The following MTOR variants were observed in gnomAD, a reference collection of about 807,000 sequenced individuals.
MTOR encodes the protein mechanistic target of rapamycin kinase.
MTOR carries 70 observed loss-of-function variants against 319.8 expected under a neutral mutation model. The observed-to-expected ratio is 0.22, with a 90% CI of 0.18 to 0.27. The LOEUF (loss-of-function observed/expected upper bound fraction) is 0.27. Among genes scored for constraint, MTOR ranks in the 10% least tolerant of loss-of-function variants. The pLI is 1.00. For synonymous variants in MTOR, 1,183 were observed against 1,211.4 expected, an observed-to-expected ratio of 0.98 and a Z score of 0.49; for missense variants, 1,890 against 3,274.4, an observed-to-expected ratio of 0.58 and a Z score of 10.32.
At chr1:11,230,142 C>G (rs1460197226) in intron 18 of MTOR, among the ~76,000 whole-genome samples, 1 of 149,410 alleles carries the variant, frequency 6.7e-6, no homozygotes, top group Admixed American at 6.7e-5. Flanking sequence ...AAAAGGCGTC[C>G]AGGCACAGTG....
intron 28 of MTOR, chr1:11,193,608 G>T: frequency 6.2e-7 from 1 of 1,606,700 alleles, no homozygotes; most frequent in South Asian, 1.1e-5. Flanking sequence ...ACTTCAGGCG[G>T]AGGCTGGACC....
At chr1:11,238,256 T>A (rs534603110) in intron 12 of MTOR, 146 bp downstream of exon 12, 2 of 939,642 alleles carry the variant, frequency 2.1e-6, no homozygotes, top group African/African-American at 3.3e-5. Context: ...ACAGTAGCCA[T>A]GCCTAACACG....
intron 19 of MTOR, among the ~76,000 whole-genome samples, chr1:11,217,640 T>C (rs975154741): frequency 6.6e-6 from 1 of 151,424 alleles, no homozygotes; most frequent in African/African-American, 2.4e-5. Context: ...CTCGCTCTCT[T>C]GACTTCATGA....
Position 11,259,350 on chromosome 1 carries a change from G to T in MTOR, c.60C>A (p.Ser20Arg). The T allele has an allele frequency of 6.2e-7, 1 of 1,608,304 alleles. No homozygotes were observed. Among genetic ancestry groups the T allele is most frequent in the Non-Finnish European group, 8.5e-7 (1 of 1,178,104 alleles). Residue 20 changes from serine (S) to arginine (R), a missense_variant, in exon 2 of 58, where the codon AGC becomes AGA. Ser to Arg is a moderately radical substitution (Grantham distance 110, BLOSUM62 -1). This residue lies in a region of MTOR where 85 missense variants were observed against 105.8 expected (regional missense o/e 0.80). Coordinates refer to ENST00000361445, the MANE Select transcript of MTOR (RefSeq NM_004958.4). ...GGCCACTGGCAAACTGCTGCAGGAC[G>T]CTCACATTGCTAGATGTGGTGGCAG... ...TTAATTSSNV[S>R]VLQQFASGLK...
At chr1:11,187,830 C>T (rs184843245) in intron 28 of MTOR, among the ~76,000 whole-genome samples, 1 of 152,308 alleles carries the variant, frequency 6.6e-6, no homozygotes, top group African/African-American at 2.4e-5. Context: ...GACTGGCAGA[C>T]AGTGCCAATT....
intron 26 of MTOR, among the ~76,000 whole-genome samples, chr1:11,200,992 G>A (rs1645950667): frequency 6.6e-6 from 1 of 150,640 alleles, no homozygotes; most frequent in African/African-American, 2.4e-5. Flanking sequence ...TCCAGCCTGG[G>A]CAACAGAGCG....
At chr1:11,189,592 C>T (rs1645444944) in intron 28 of MTOR, 1 of 1,602,508 alleles carries the variant, frequency 6.2e-7, no homozygotes, top group Non-Finnish European at 8.5e-7. Flanking sequence ...GCTGAAAAAG[C>T]CTCTCTCAGC....
chr1:11,217,531 G>A (rs1646510123), intron 19 of MTOR, among the ~76,000 whole-genome samples: 1 of 151,304 alleles, frequency 6.6e-6, no homozygotes, highest in Non-Finnish European at 1.5e-5. Context: ...CTCCCGAGTA[G>A]CTGGGACTAC....
chr1:11,204,752 T>A, intron 25 of MTOR, 49 bp from the exon 26 acceptor site: 1 of 1,573,098 alleles, frequency 6.4e-7, no homozygotes, highest in African/African-American at 1.4e-5. Flanking sequence ...CAAGGGCCAA[T>A]TGAAAAAAGT....
intron 28 of MTOR, among the ~76,000 whole-genome samples, chr1:11,197,392 T>C (rs1478112883): frequency 1.3e-5 from 2 of 151,986 alleles, no homozygotes; most frequent in Non-Finnish European, 2.9e-5. Context: ...AAGTAAAAAC[T>C]GCAATTGGAA....
chr1:11,142,628 G>T (rs2100495899), intron 34 of MTOR, among the ~76,000 whole-genome samples: 1 of 152,244 alleles, frequency 6.6e-6, no homozygotes, highest in South Asian at 2.1e-4. Flanking sequence ...TTGTTGATAA[G>T]AAGTCAGACT....
chr1:11,133,100 G>A lies in MTOR; in HGVS notation c.5344C>T (p.His1782Tyr), dbSNP rs1643238466. The change falls in exon 38 of 58, where the codon CAC (histidine) becomes TAC (tyrosine). Residue 1782 changes from histidine to tyrosine, a missense_variant. Around this residue, in one of 15 missense-constraint regions of MTOR, gnomAD observed 276 missense variants for 459.4 expected, o/e 0.60. Coordinates refer to ENST00000361445, the MANE Select transcript of MTOR (RefSeq NM_004958.4). This position sits in a 1 kb window ranked among gnomAD's most constrained non-coding sequence, Gnocchi z 4.0. The stretch of plus-strand genomic sequence containing the variant: ...ATCACCTTGTACCAGCTGCGGTCGT[G>A]CTCTGTGGCGGCGCTGTAGTACTGC... ...VLQYYSAATE[H>Y]DRSWYKAWHA... 2 of 1,614,146 alleles carry A rather than the reference G, an allele frequency of 1.2e-6. No individual in the cohort carries two copies.
At chr1:11,210,029 G>A (rs1449870917) in intron 24 of MTOR, among the ~76,000 whole-genome samples, 2 of 152,102 alleles carry the variant, frequency 1.3e-5, no homozygotes, top group African/African-American at 2.4e-5. Flanking sequence ...CACCATGCCC[G>A]GCTAATTTTT....
chr1:11,117,264 G>T (rs1199425965), intron 49 of MTOR, among the ~76,000 whole-genome samples, 178 bp from the exon 50 acceptor site: 3 of 152,184 alleles, frequency 2.0e-5, no homozygotes, highest in Non-Finnish European at 4.4e-5. Flanking sequence ...GGGTTCAAGC[G>T]GTTCTCATGC....
chr1:11,148,778 A>G (rs970681866), intron 31 of MTOR, among the ~76,000 whole-genome samples: 2 of 152,010 alleles, frequency 1.3e-5, no homozygotes, highest in African/African-American at 4.8e-5. Context: ...CAGTGCCTGG[A>G]ATCCCAGCTA....
At chr1:11,172,545 G>A (rs1283552399) in intron 28 of MTOR, among the ~76,000 whole-genome samples, 4 of 117,698 alleles carry the variant, frequency 3.4e-5, no homozygotes, top group Non-Finnish European at 6.8e-5. Context: ...GGGTGACCGC[G>A]AGACTCTGTC....
At chr1:11,124,405 T>G (rs528263354) in intron 47 of MTOR, 93 bp downstream of exon 47, 3 of 1,474,972 alleles carry the variant, frequency 2.0e-6, no homozygotes, top group Admixed American at 4.2e-5. Context: ...TTTATAGTTT[T>G]TTGTTAAGAT....
Position 11,199,333 on chromosome 1 carries a change from T to A in MTOR, c.4178A>T (p.Tyr1393Phe). ...TTCTTTGTAGTGTAGTGCTTTGGCA[T>A]ATGCTCGGCACTTGGCAGCTCTCTC... Reference protein sequence around the residue: ...LGERAAKCRAYAKALHYKELE... With the variant: ...LGERAAKCRAFAKALHYKELE... The change falls in exon 28 of 58, where the codon TAT (tyrosine) becomes TTT (phenylalanine). Residue 1393 changes from tyrosine to phenylalanine, a missense_variant. This residue lies in a region of MTOR where 45 missense variants were observed against 107.2 expected (regional missense o/e 0.42). Coordinates refer to ENST00000361445, the MANE Select transcript of MTOR (RefSeq NM_004958.4). The surrounding 1 kb of genome is among the most constrained non-coding windows in gnomAD (Gnocchi z 4.5). 2 of 1,614,190 alleles carry A rather than the reference T, an allele frequency of 1.2e-6. No homozygotes were observed. Among genetic ancestry groups the A allele is most frequent in the South Asian group, 2.2e-5 (2 of 91,072 alleles).
intron 6 of MTOR, among the ~76,000 whole-genome samples, chr1:11,250,588 C>T (rs1205164719): frequency 6.8e-6 from 1 of 146,348 alleles, no homozygotes; most frequent in East Asian, 2.1e-4. Context: ...GGTTTGCAGA[C>T]TCCATCTCTT....
Sources: gnomAD v4.1 joint callset for allele counts (sites outside exome capture counted in the v4.1 genomes callset) on GRCh38, gnomAD v4.1.1 for gene constraint, gnomAD v4.1.1 regional missense constraint, Gnocchi (gnomAD v3.1) non-coding constraint, MANE v1.5 for transcripts, NCBI Gene and HGNC (gene_info 2026-07-23, HGNC 2026-07-21) for gene names.